RORA: variants seen among roughly 807,000 people sequenced by gnomAD.
RORA encodes RAR related orphan receptor A.
In RORA, 7 loss-of-function variants were observed where a neutral mutation model predicts 69.5. That is an observed-to-expected ratio of 0.10 (90% confidence interval 0.06 to 0.19). The LOEUF (loss-of-function observed/expected upper bound fraction) is 0.19, where lower values mean the gene tolerates loss of function less well. Among genes scored for constraint, RORA ranks in the 10% least tolerant of loss-of-function variants. The pLI, the probability that RORA is intolerant of heterozygous loss-of-function variation, is 1.00. For missense variants in RORA, 457 were observed against 663.0 expected (o/e 0.69, Z 3.41); for synonymous variants, 261 against 240.8 (o/e 1.08, Z -0.78).
At chr15:60,539,719 A>G (rs2066798978) in intron 2 of RORA, among the ~76,000 whole-genome samples, 1 of 151,990 alleles carries the variant, frequency 6.6e-6, no homozygotes, top group East Asian at 1.9e-4. Context: ...CAGCAATACA[A>G]TCCTTTTTTT....
chr15:61,222,990 G>A (rs1193768250), intron 1 of RORA, among the ~76,000 whole-genome samples: 2 of 152,122 alleles, frequency 1.3e-5, no homozygotes, highest in African/African-American at 2.4e-5. Context: ...TAACTTACTT[G>A]AAAATATAAT....
intron 1 of RORA, among the ~76,000 whole-genome samples, chr15:61,027,368 CAGA>C (rs113632977): frequency 6.6e-6 from 1 of 152,208 alleles, no homozygotes; most frequent in Non-Finnish European, 1.5e-5. Context: ...CCCATTAACA[CAGA>C]AGAAGTAGAA....
chr15:61,212,508 T>C (rs2080002466), intron 1 of RORA, among the ~76,000 whole-genome samples: 1 of 152,184 alleles, frequency 6.6e-6, no homozygotes, highest in Non-Finnish European at 1.5e-5. Context: ...CGGGTGATTC[T>C]CCTGCCTCAG....
intron 2 of RORA, among the ~76,000 whole-genome samples, chr15:60,583,545 G>C (rs2068250196): frequency 6.6e-6 from 1 of 152,120 alleles, no homozygotes; most frequent in Admixed American, 6.5e-5. Flanking sequence ...GGGGCTTCTG[G>C]ACAAGGCTTT....
intron 5 of RORA, among the ~76,000 whole-genome samples, chr15:60,506,043 T>G (rs576394873): frequency 7.2e-5 from 11 of 152,288 alleles, no homozygotes; most frequent in Non-Finnish European, 1.5e-4. Flanking sequence ...AACTAGAAAA[T>G]GATATTCTTT....
At position 61,067,204 on chromosome 15, in the gene RORA, C is replaced by T. The variant is rs544331373; in HGVS notation, c.166+161849G>A. ...TCAGTTCACTGCAACCTCTGCCTCC[C>T]GGGTTCAAGCGATTCTCCTGCCTCA... On this transcript the variant is annotated intron_variant, in intron 1 of 10. Transcript: ENST00000335670. 4.0e-5 allele frequency among the ~76,000 whole-genome samples: 6 copies of T among 151,630 alleles called. No individual in the cohort carries two copies. The South Asian group carries it at 6.3e-4, about 16-fold the overall frequency.
At chr15:61,079,016 A>G (rs965403112) in intron 1 of RORA, among the ~76,000 whole-genome samples, 2 of 152,188 alleles carry the variant, frequency 1.3e-5, no homozygotes, top group African/African-American at 4.8e-5. Context: ...TGGTAGGTAC[A>G]AGTGATTAAA....
At chr15:60,943,997 C>G (rs2140326052) in intron 1 of RORA, among the ~76,000 whole-genome samples, 1 of 145,948 alleles carries the variant, frequency 6.9e-6, no homozygotes, top group East Asian at 2.0e-4. Context: ...AAATATATCA[C>G]TTCTATTAAC....
chr15:60,679,381 G>A (rs1397577110), intron 1 of RORA, among the ~76,000 whole-genome samples: 1 of 152,172 alleles, frequency 6.6e-6, no homozygotes, highest in Admixed American at 6.5e-5. Flanking sequence ...TAGGTAGCAG[G>A]TGACAAATAG....
intron 1 of RORA, among the ~76,000 whole-genome samples, chr15:60,952,731 C>G (rs928043393): frequency 4.7e-5 from 7 of 150,278 alleles, no homozygotes; most frequent in African/African-American, 1.5e-4. Flanking sequence ...ATCCAACTTA[C>G]AAGGGATGTG....
At chr15:60,916,683 G>A (rs142939763) in intron 1 of RORA, among the ~76,000 whole-genome samples, 1 of 152,114 alleles carries the variant, frequency 6.6e-6, no homozygotes, top group African/African-American at 2.4e-5. Context: ...AAGGTGATAG[G>A]TGAGTATGAC....
intron 1 of RORA, among the ~76,000 whole-genome samples, chr15:60,812,031 C>T (rs2072751626): frequency 6.6e-6 from 1 of 152,124 alleles, no homozygotes; most frequent in Non-Finnish European, 1.5e-5. Flanking sequence ...AAGAACTGTG[C>T]ACATTGTGGG....
At chr15:60,734,882 C>A (rs914093274) in intron 1 of RORA, among the ~76,000 whole-genome samples, 1 of 152,210 alleles carries the variant, frequency 6.6e-6, no homozygotes, top group African/African-American at 2.4e-5. Context: ...ATACATCAAT[C>A]TGTTATTTGT....
chr15:60,958,857 G>C (rs955719215), intron 1 of RORA, among the ~76,000 whole-genome samples: 8 of 152,146 alleles, frequency 5.3e-5, no homozygotes, highest in African/African-American at 1.9e-4. Context: ...CCACTCAGTA[G>C]GTTTGCACAG....
intron 4 of RORA, among the ~76,000 whole-genome samples, chr15:60,514,212 T>G (rs996203042): frequency 4.6e-5 from 7 of 152,208 alleles, no homozygotes; most frequent in African/African-American, 1.7e-4. Flanking sequence ...TCCAATAGAC[T>G]TACTAGTGTA....
chr15:60,832,080 G>GC (rs1455535937), intron 1 of RORA, among the ~76,000 whole-genome samples: 1 of 152,210 alleles, frequency 6.6e-6, no homozygotes, highest in Non-Finnish European at 1.5e-5. Flanking sequence ...CGCAAAGACA[G>GC]CTAGCTGTGG....
intron 1 of RORA, among the ~76,000 whole-genome samples, chr15:60,944,253 A>T (rs1892795152): frequency 1.3e-5 from 2 of 152,276 alleles, no homozygotes; most frequent in South Asian, 4.2e-4. Context: ...GAGCATGGGC[A>T]TCAGTATAAT....
At position 60,495,984 on chromosome 15, in the gene RORA, A is replaced by G. The variant is rs1029123022; in HGVS notation, c.*1471T>C. ...AGTCCACAGTTTCCTAGTGAAGATA[A>G]ATACAAGAGTAAATGTTTGCAGCTA... is the stretch of plus-strand genomic sequence containing the variant. On this transcript the variant is annotated 3_prime_UTR_variant, in exon 11 of 11. Coordinates refer to ENST00000335670, the MANE Select transcript of RORA (RefSeq NM_134261.3). The G allele has an allele frequency of 2.6e-5, 4 of 152,214 alleles. No individual in the cohort carries two copies. Among genetic ancestry groups the G allele is most frequent in the Non-Finnish European group, 5.9e-5 (4 of 68,030 alleles). 9.4% of individuals were successfully genotyped at this position (152,214 alleles called of 1,614,324 possible).
At chr15:60,859,500 G>T (rs1439899468) in intron 1 of RORA, among the ~76,000 whole-genome samples, 1 of 147,958 alleles carries the variant, frequency 6.8e-6, no homozygotes, top group Non-Finnish European at 1.5e-5. Context: ...TTTGAGACAG[G>T]GTCTTGCTCT....
Sources: gnomAD v4.1 joint callset for allele counts (sites outside exome capture counted in the v4.1 genomes callset) on GRCh38, gnomAD v4.1.1 for gene constraint, MANE v1.5 for transcripts, NCBI Gene and HGNC (gene_info 2026-07-23, HGNC 2026-07-21) for gene names.